Variants in NTM observed in about 807,000 individuals in gnomAD.
The protein encoded by NTM is IgLON family member 2.
A neutral mutation model predicts 42.1 loss-of-function variants in NTM; 13 were observed. The ratio of observed to expected loss-of-function variants is 0.31; its 90% CI spans 0.20 to 0.49. The LOEUF is 0.49. Ranked by LOEUF, NTM falls within the 20% of genes least tolerant of loss-of-function variation. The pLI is 0.99. For synonymous variants in NTM, 187 were observed against 179.2 expected (o/e 1.04, Z -0.35); for missense variants, 373 against 452.8 (o/e 0.82, Z 1.60).
intron 2 of NTM, among the ~76,000 whole-genome samples, chr11:132,058,097 G>C (rs1342077168): frequency 1.3e-5 from 2 of 152,088 alleles, no homozygotes; most frequent in Admixed American, 6.6e-5. Context: ...GAGTTGTTCT[G>C]TCTGTTGAGC....
chr11:132,060,887 A>G (rs1421403092), intron 2 of NTM, among the ~76,000 whole-genome samples: 1 of 152,236 alleles, frequency 6.6e-6, no homozygotes, highest in Non-Finnish European at 1.5e-5. Flanking sequence ...TTATTGGTCT[A>G]GAATGTGAAT....
At chr11:131,915,220 A>G (rs964891076) in intron 2 of NTM, among the ~76,000 whole-genome samples, 17 of 152,040 alleles carry the variant, frequency 1.1e-4, no homozygotes, top group African/African-American at 4.1e-4. Flanking sequence ...CTAGCTCAGG[A>G]CTCCATTCCT....
chr11:131,690,425 G>A (rs1421707311), intron 1 of NTM, among the ~76,000 whole-genome samples: 2 of 152,024 alleles, frequency 1.3e-5, no homozygotes, highest in African/African-American at 4.8e-5. Flanking sequence ...CCAGCCCAGC[G>A]CACCTAGTCA....
chr11:132,303,731 A>AT (rs773672818), intron 4 of NTM, among the ~76,000 whole-genome samples: 2 of 100,228 alleles, frequency 2.0e-5, no homozygotes, highest in Admixed American at 9.6e-5. Context: ...AAAAAAAAAA[A>AT]CAATCTGTGA....
intron 4 of NTM, among the ~76,000 whole-genome samples, chr11:132,285,344 G>A (rs1013666393): frequency 6.6e-6 from 1 of 152,156 alleles, no homozygotes; most frequent in Admixed American, 6.5e-5. Flanking sequence ...AGCTCCCTTT[G>A]TACCTCTCTC....
intron 3 of NTM, among the ~76,000 whole-genome samples, chr11:132,188,263 G>A (rs1290681556): frequency 6.6e-6 from 1 of 152,190 alleles, no homozygotes; most frequent in African/African-American, 2.4e-5. Context: ...TGCTGAGGTT[G>A]AGGAACCCGG....
At position 132,031,659 on chromosome 11, in the gene NTM, G is replaced by T. The variant is rs184409378; in HGVS notation, c.168-114623G>T. ...CTGGAGTTCTACTTTCATCATTAAG[G>T]CTTGAGATACCTCTTAGGCTTTGCG... On this transcript the variant is annotated intron_variant, in intron 2 of 8. Transcript: ENST00000683400. Among the ~76,000 whole-genome samples the T allele has an allele frequency of 4.3e-4, 66 of 152,254 alleles. No individual in the cohort carries two copies. In the East Asian group the frequency reaches 0.013, roughly 29 times the overall value.
At chr11:131,452,421 A>G (rs1172110881) in intron 1 of NTM, among the ~76,000 whole-genome samples, 1 of 152,192 alleles carries the variant, frequency 6.6e-6, no homozygotes, top group African/African-American at 2.4e-5. Flanking sequence ...TCCCGAGCTC[A>G]GCACCTCCAC....
intron 1 of NTM, among the ~76,000 whole-genome samples, chr11:131,525,828 A>G (rs2050395538): frequency 6.6e-6 from 1 of 151,192 alleles, no homozygotes; most frequent in African/African-American, 2.4e-5. Flanking sequence ...ACAAACTTGT[A>G]GGGTTACTTA....
At chr11:132,176,317 C>T (rs1365281787) in intron 3 of NTM, among the ~76,000 whole-genome samples, 1 of 145,960 alleles carries the variant, frequency 6.9e-6, no homozygotes, top group East Asian at 2.0e-4. Context: ...TGGGTTTGGT[C>T]AAGTTTGGTC....
At chr11:131,702,643 T>A (rs557080192) in intron 1 of NTM, among the ~76,000 whole-genome samples, 1 of 152,188 alleles carries the variant, frequency 6.6e-6, no homozygotes, top group Non-Finnish European at 1.5e-5. Context: ...GAAGATTAAA[T>A]ACTATTGAGA....
At chr11:132,069,937 G>T (rs1194799003) in intron 2 of NTM, among the ~76,000 whole-genome samples, 1 of 142,008 alleles carries the variant, frequency 7.0e-6, no homozygotes, top group African/African-American at 2.8e-5. Flanking sequence ...ACCATCACAG[G>T]TTAGTTAACA....
chr11:131,786,128 G>A (rs1363474545), intron 1 of NTM, among the ~76,000 whole-genome samples: 1 of 152,142 alleles, frequency 6.6e-6, no homozygotes, highest in Non-Finnish European at 1.5e-5. Context: ...AAGTACTTAA[G>A]CATGTGTTTG....
intron 2 of NTM, among the ~76,000 whole-genome samples, chr11:132,068,167 C>T (rs1210314790): frequency 6.6e-6 from 1 of 152,216 alleles, no homozygotes; most frequent in African/African-American, 2.4e-5. Context: ...ATTTTGTTAA[C>T]AGTGGATCTT....
chr11:132,084,496 G>T (rs2059461381), intron 2 of NTM, among the ~76,000 whole-genome samples: 1 of 152,078 alleles, frequency 6.6e-6, no homozygotes, highest in South Asian at 2.1e-4. Flanking sequence ...ATGCCTCAGG[G>T]ACCCTCCATG....
intron 5 of NTM, 140 bp downstream of exon 5, chr11:132,307,963 C>A (rs772512474): frequency 1.5e-5 from 11 of 719,270 alleles, no homozygotes; most frequent in South Asian, 2.3e-5. Flanking sequence ...ACTCTGCTTT[C>A]AGGAGCAAAC....
At chr11:131,624,417 C>T (rs1307960519) in intron 1 of NTM, among the ~76,000 whole-genome samples, 1 of 152,070 alleles carries the variant, frequency 6.6e-6, no homozygotes, top group Non-Finnish European at 1.5e-5. Flanking sequence ...CAGAGCAGTC[C>T]TAAATATTAA....
intron 4 of NTM, among the ~76,000 whole-genome samples, chr11:132,251,376 G>A (rs2091919565): frequency 6.6e-6 from 1 of 152,210 alleles, no homozygotes; most frequent in Non-Finnish European, 1.5e-5. Flanking sequence ...TTCTGTACCA[G>A]GAAGGAAGCT....
chr11:131,421,580 G>A (rs779718124), intron 1 of NTM, among the ~76,000 whole-genome samples: 3 of 152,188 alleles, frequency 2.0e-5, no homozygotes, highest in Admixed American at 6.5e-5. Flanking sequence ...AGTTCCAGCC[G>A]GTTTCCCTAA....
Sources: gnomAD v4.1 joint callset for allele counts (sites outside exome capture counted in the v4.1 genomes callset) on GRCh38, gnomAD v4.1.1 for gene constraint, MANE v1.5 for transcripts, NCBI Gene and HGNC (gene_info 2026-07-23, HGNC 2026-07-21) for gene names.